The following LRFN5 variants were observed in gnomAD, a reference collection of about 807,000 sequenced individuals.
The protein encoded by LRFN5 is leucine rich repeat and fibronectin type III domain containing 5, also known as leucine-rich repeat and fibronectin type-III domain-containing protein 5.
Under a neutral mutation model 45.6 loss-of-function variants are expected in LRFN5, and 24 were observed. That is an observed-to-expected ratio of 0.53 (90% CI 0.38 to 0.74). The LOEUF (loss-of-function observed/expected upper bound fraction) is 0.74, where lower values mean the gene tolerates loss of function less well. Ranked by LOEUF, LRFN5 falls within the 30% of genes least tolerant of loss-of-function variation. The pLI is 0.00. For missense variants in LRFN5, 776 were observed against 861.5 expected (o/e 0.90, Z 1.24); for synonymous variants, 340 against 313.8 (o/e 1.08, Z -0.88).
intron 1 of LRFN5, among the ~76,000 whole-genome samples, chr14:41,759,913 G>A (rs10147948): frequency 0.09 from 13,760 of 152,240 alleles, 1,044 homozygotes; most frequent in East Asian, 0.41. Context: ...TAAGGCAGAT[G>A]ATGCGCTATT....
At chr14:41,694,807 A>G (rs931996901) in intron 1 of LRFN5, among the ~76,000 whole-genome samples, 15 of 151,938 alleles carry the variant, frequency 9.9e-5, no homozygotes, top group Admixed American at 3.9e-4. Flanking sequence ...CTATGTAATT[A>G]TTTTGGGGGA....
chr14:41,762,091 A>G (rs1266888553), intron 1 of LRFN5, among the ~76,000 whole-genome samples: 6 of 151,738 alleles, frequency 4.0e-5, no homozygotes, highest in Admixed American at 3.9e-4. Flanking sequence ...TTTAAAAACA[A>G]TGAAAAGCAA....
intron 1 of LRFN5, among the ~76,000 whole-genome samples, chr14:41,648,268 G>T (rs919391021): frequency 1.3e-5 from 2 of 151,876 alleles, no homozygotes; most frequent in Non-Finnish European, 2.9e-5. Flanking sequence ...AATTGACATT[G>T]GAAATGAAGA....
At chr14:41,747,778 T>C (rs1177019568) in intron 1 of LRFN5, among the ~76,000 whole-genome samples, 3 of 151,950 alleles carry the variant, frequency 2.0e-5, no homozygotes, top group Non-Finnish European at 4.4e-5. Flanking sequence ...GACAAGTTAT[T>C]AATATCCTGA....
chr14:41,863,163 C>T (rs1320620867), intron 2 of LRFN5, among the ~76,000 whole-genome samples: 1 of 152,180 alleles, frequency 6.6e-6, no homozygotes, highest in Non-Finnish European at 1.5e-5. Context: ...CCACGCCCAG[C>T]CTAAGTCTCT....
intron 2 of LRFN5, among the ~76,000 whole-genome samples, chr14:41,783,537 G>A (rs1484255791): frequency 6.6e-6 from 1 of 152,044 alleles, no homozygotes; most frequent in Non-Finnish European, 1.5e-5. Context: ...ATCATTTTTA[G>A]TGGCCATTTT....
chr14:41,775,093 C>CTTTTTCTTTT (rs1308711451), intron 2 of LRFN5, among the ~76,000 whole-genome samples: 2 of 112,492 alleles, frequency 1.8e-5, no homozygotes, highest in African/African-American at 7.0e-5. Flanking sequence ...TTTTCTTTTT[C>CTTTTTCTTTT]TTTTTTTTTT....
chr14:41,690,293 G>A (rs1882320368), intron 1 of LRFN5, among the ~76,000 whole-genome samples: 1 of 152,054 alleles, frequency 6.6e-6, no homozygotes, highest in Non-Finnish European at 1.5e-5. Context: ...CTCACCCCTG[G>A]AATTAATCCC....
intron 2 of LRFN5, among the ~76,000 whole-genome samples, chr14:41,769,878 T>G (rs1886017427): frequency 6.6e-6 from 1 of 152,238 alleles, no homozygotes; most frequent in Non-Finnish European, 1.5e-5. Flanking sequence ...ATTTGTCTAT[T>G]TCTTCAACCA....
At chr14:41,847,206 C>A (rs544948564) in intron 2 of LRFN5, among the ~76,000 whole-genome samples, 13 of 152,162 alleles carry the variant, frequency 8.5e-5, no homozygotes, top group African/African-American at 3.1e-4. Context: ...TAGTAAACTA[C>A]CTGAGATCAT....
intron 2 of LRFN5, among the ~76,000 whole-genome samples, chr14:41,826,479 G>T (rs142879839): frequency 6.6e-6 from 1 of 151,952 alleles, no homozygotes; most frequent in Admixed American, 6.6e-5. Flanking sequence ...ATGTCATTTC[G>T]TCTGAAAAGT....
At chr14:41,878,068 A>G (rs537223497) in intron 2 of LRFN5, among the ~76,000 whole-genome samples, 1 of 152,232 alleles carries the variant, frequency 6.6e-6, no homozygotes, top group African/African-American at 2.4e-5. Flanking sequence ...ATTTTAACGG[A>G]GAATGCAGTT....
chr14:41,850,971 G>A (rs1305368958), intron 2 of LRFN5, among the ~76,000 whole-genome samples: 6 of 151,792 alleles, frequency 4.0e-5, no homozygotes, highest in African/African-American at 1.2e-4. Flanking sequence ...TAAGAAAAAT[G>A]TCCACCATTT....
chr14:41,896,906 C>T (rs747849406), intron 4 of LRFN5, among the ~76,000 whole-genome samples: 28 of 151,666 alleles, frequency 1.8e-4, no homozygotes, highest in Non-Finnish European at 2.5e-4. Context: ...TCCTGGCCAA[C>T]GTGGTGAAAC....
At chr14:41,814,599 C>T (rs2138998379) in intron 2 of LRFN5, among the ~76,000 whole-genome samples, 1 of 152,218 alleles carries the variant, frequency 6.6e-6, no homozygotes, top group Non-Finnish European at 1.5e-5. Context: ...AGTATTAGTT[C>T]TGGCCTGGCC....
Position 41,887,811 on chromosome 14 carries a change from G to T in LRFN5, c.1186G>T (p.Asp396Tyr). ...HIHEPDPGSS[D>Y]ISTSTKSGSN... is the part of the protein sequence containing the mutation. The stretch of plus-strand genomic sequence containing the variant: ...CCATGAGCCTGATCCTGGTTCTTCA[G>T]ATATCTCAACTTCTACCAAGTCAGG... Residue 396 changes from aspartate (D) to tyrosine (Y), a missense_variant, in exon 3 of 6, where the codon GAT becomes TAT. Asp to Tyr is a radical substitution (Grantham distance 160). Around this residue, in one of 2 missense-constraint regions of LRFN5, gnomAD observed 465 missense variants for 456.4 expected, o/e 1.02. Coordinates refer to ENST00000298119, the MANE Select transcript of LRFN5 (RefSeq NM_152447.5). The surrounding 1 kb of genome is among the most constrained non-coding windows in gnomAD (Gnocchi z 4.8). 1 of 1,613,944 alleles carries T rather than the reference G, an allele frequency of 6.2e-7. No individual in the cohort carries two copies. The highest frequency in any genetic ancestry group is 1.1e-5 in the South Asian group (1 of 91,070).
At chr14:41,650,246 C>CACACACACAG (rs1880033743) in intron 1 of LRFN5, among the ~76,000 whole-genome samples, 1 of 142,058 alleles carries the variant, frequency 7.0e-6, no homozygotes, top group Non-Finnish European at 1.5e-5. Context: ...TACACACACA[C>CACACACACAG]ACACACACAC....
At chr14:41,788,446 T>G (rs1299673246) in intron 2 of LRFN5, among the ~76,000 whole-genome samples, 4 of 152,110 alleles carry the variant, frequency 2.6e-5, no homozygotes, top group African/African-American at 9.6e-5. Flanking sequence ...AGATATGGCG[T>G]AAGTATTGTT....
chr14:41,808,020 T>A (rs577963997), intron 2 of LRFN5, among the ~76,000 whole-genome samples: 1 of 151,326 alleles, frequency 6.6e-6, no homozygotes, highest in Non-Finnish European at 1.5e-5. Context: ...TAAAGTTTGA[T>A]ACCTTAATAT....
Sources: gnomAD v4.1 joint callset for allele counts (sites outside exome capture counted in the v4.1 genomes callset) on GRCh38, gnomAD v4.1.1 for gene constraint, gnomAD v4.1.1 regional missense constraint, Gnocchi (gnomAD v3.1) non-coding constraint, MANE v1.5 for transcripts, NCBI Gene and HGNC (gene_info 2026-07-23, HGNC 2026-07-21) for gene names.